Variants in ZFHX3 observed in about 807,000 individuals in gnomAD.
ZFHX3 encodes the protein zinc finger homeobox 3.
A neutral mutation model predicts 279.1 loss-of-function variants in ZFHX3; 42 were observed. The ratio of observed to expected loss-of-function variants is 0.15; its 90% CI spans 0.12 to 0.19. The LOEUF is 0.19. Ranked by LOEUF, ZFHX3 falls within the 10% of genes least tolerant of loss-of-function variation. The probability of loss-of-function intolerance (pLI) is 1.00; values close to 1 mark genes in which losing one functional copy is unlikely to be tolerated. For missense variants in ZFHX3, 4,981 were observed against 4,754.0 expected, an observed-to-expected ratio of 1.05 and a Z score of -1.40; for synonymous variants, 2,293 against 1,957.8, an observed-to-expected ratio of 1.17 and a Z score of -4.52.
At chr16:73,807,404 A>G (rs1960307185) in intron 1 of ZFHX3, among the ~76,000 whole-genome samples, 1 of 152,110 alleles carries the variant, frequency 6.6e-6, no homozygotes, top group South Asian at 2.1e-4. Flanking sequence ...TGCCAGAGAT[A>G]TGTTTTAGAA....
chr16:73,120,957 A>G (rs935697394), intron 7 of ZFHX3, among the ~76,000 whole-genome samples: 11 of 151,916 alleles, frequency 7.2e-5, no homozygotes, highest in Non-Finnish European at 1.0e-4. Context: ...CCGGGCCCCT[A>G]TCCTCTCTAC....
chr16:73,488,541 G>A (rs185114367), intron 2 of ZFHX3, among the ~76,000 whole-genome samples: 133 of 152,272 alleles, frequency 8.7e-4, no homozygotes, highest in African/African-American at 3.2e-3. Flanking sequence ...AGATCTCAAT[G>A]GCTGCCTCCT....
intron 1 of ZFHX3, among the ~76,000 whole-genome samples, chr16:73,751,664 A>G (rs1377043774): frequency 6.6e-6 from 1 of 152,210 alleles, no homozygotes; most frequent in Admixed American, 6.5e-5. Flanking sequence ...TTATAGGCCT[A>G]TCTTCTCATT....
At chr16:73,047,719 G>C (rs1356594797) in intron 1 of ZFHX3, 33 bp downstream of exon 1, 1 of 152,606 alleles carries the variant, frequency 6.6e-6, no homozygotes, top group Admixed American at 6.5e-5. Context: ...GCTCCAGGCC[G>C]GCTGCGCGGA....
At chr16:73,872,443 C>A (rs905740197) in intron 1 of ZFHX3, among the ~76,000 whole-genome samples, 2 of 151,760 alleles carry the variant, frequency 1.3e-5, no homozygotes, top group African/African-American at 4.8e-5. Flanking sequence ...CCATGTTGGC[C>A]AGGCTGGTCT....
chr16:73,509,145 T>C (rs2019378688), intron 2 of ZFHX3, among the ~76,000 whole-genome samples: 1 of 152,230 alleles, frequency 6.6e-6, no homozygotes, highest in Admixed American at 6.5e-5. Context: ...AGAAGCAAGT[T>C]GATCACAACG....
chr16:73,092,529 A>G, intron 8 of ZFHX3: 1 of 160,886 alleles, frequency 6.2e-6, no homozygotes, highest in Non-Finnish European at 1.4e-5. Flanking sequence ...AAACAGGAAA[A>G]GGAAAGAGAA....
intron 3 of ZFHX3, among the ~76,000 whole-genome samples, chr16:73,353,364 T>TTGAC (rs1324126747): frequency 1.3e-5 from 2 of 152,202 alleles, no homozygotes; most frequent in Non-Finnish European, 2.9e-5. Flanking sequence ...TCACTCTGGG[T>TTGAC]TGACCCAGGA....
chr16:73,163,734 G>C (rs1403584299), intron 5 of ZFHX3, among the ~76,000 whole-genome samples: 2 of 152,126 alleles, frequency 1.3e-5, no homozygotes, highest in Non-Finnish European at 2.9e-5. Flanking sequence ...TGAGGAATTA[G>C]AGAAAAGTAG....
At chr16:73,429,575 C>T (rs905538710) in intron 3 of ZFHX3, among the ~76,000 whole-genome samples, 5 of 152,130 alleles carry the variant, frequency 3.3e-5, no homozygotes, top group Admixed American at 6.6e-5. Context: ...TCAAGTGATT[C>T]GCCTGTCCTG....
Position 73,802,146 on chromosome 16 carries a change from G to C in ZFHX3, c.-1608+89505C>G, listed in dbSNP as rs565499406. 5.9e-5 allele frequency among the ~76,000 whole-genome samples: 9 copies of C among 152,138 alleles called. No individual in the cohort carries two copies. The South Asian group carries it at 1.9e-3, about 32-fold the overall frequency. ...GAAACTGTGCCTTAACAATATGTTA[G>C]ATGCAAAATGTGTGACTTTTTTTTT... On this transcript the variant is annotated intron_variant, in intron 1 of 17. Coordinates refer to the ZFHX3 transcript ENST00000641206.
At chr16:73,199,080 G>A (rs1187014056) in intron 5 of ZFHX3, among the ~76,000 whole-genome samples, 5 of 152,214 alleles carry the variant, frequency 3.3e-5, no homozygotes, top group Non-Finnish European at 5.9e-5. Context: ...CCTTCCAGGT[G>A]TATATTTCTA....
chr16:72,845,434 C>A (rs1405141602), intron 4 of ZFHX3, among the ~76,000 whole-genome samples: 2 of 152,186 alleles, frequency 1.3e-5, no homozygotes, highest in African/African-American at 2.4e-5. Flanking sequence ...ATCGCATGCA[C>A]AGGGACATCC....
At chr16:73,593,974 G>A (rs1290771175) in intron 2 of ZFHX3, among the ~76,000 whole-genome samples, 4 of 152,094 alleles carry the variant, frequency 2.6e-5, no homozygotes, top group African/African-American at 9.7e-5. Flanking sequence ...TATGTGAAAC[G>A]GGGATTAAGA....
chr16:73,538,994 G>A (rs938045970), intron 2 of ZFHX3, among the ~76,000 whole-genome samples: 5 of 152,176 alleles, frequency 3.3e-5, no homozygotes, highest in African/African-American at 4.8e-5. Context: ...CAGGAGGTAC[G>A]TGCGATGTGT....
At chr16:73,859,283 C>G (rs780472594) in intron 1 of ZFHX3, among the ~76,000 whole-genome samples, 2 of 152,164 alleles carry the variant, frequency 1.3e-5, no homozygotes, top group Non-Finnish European at 2.9e-5. Context: ...AAATTTAAAT[C>G]TTGTTATGTT....
At chr16:72,906,386 T>A (rs1369190242) in intron 3 of ZFHX3, among the ~76,000 whole-genome samples, 2 of 151,758 alleles carry the variant, frequency 1.3e-5, no homozygotes, top group African/African-American at 4.8e-5. Context: ...TGGGGGGGCA[T>A]GGGACCGGGG....
chr16:73,225,340 G>A (rs2012559877), intron 5 of ZFHX3, among the ~76,000 whole-genome samples: 1 of 152,168 alleles, frequency 6.6e-6, no homozygotes, highest in Admixed American at 6.5e-5. Flanking sequence ...TGAGGGCCTG[G>A]TGTGGTGGCT....
At chr16:73,116,612 T>G (rs1351420843) in intron 7 of ZFHX3, among the ~76,000 whole-genome samples, 1 of 152,052 alleles carries the variant, frequency 6.6e-6, no homozygotes, top group Non-Finnish European at 1.5e-5. Context: ...ATTCAGGATG[T>G]TGGAGTGGGT....
Sources: gnomAD v4.1 joint callset for allele counts (sites outside exome capture counted in the v4.1 genomes callset) on GRCh38, gnomAD v4.1.1 for gene constraint, MANE v1.5 for transcripts, NCBI Gene and HGNC (gene_info 2026-07-23, HGNC 2026-07-21) for gene names.